Variants in KIF6 observed in about 807,000 individuals in gnomAD.
The protein encoded by KIF6 is kinesin family member 6.
In KIF6, 106 loss-of-function variants were observed where a neutral mutation model predicts 112.7. The ratio of observed to expected loss-of-function variants is 0.94; its 90% CI spans 0.80 to 1.11. KIF6 has a LOEUF of 1.11. Among genes scored for constraint, KIF6 ranks in the 50% least tolerant of loss-of-function variants. The pLI is 0.00. For synonymous variants in KIF6, 339 were observed against 339.9 expected, an observed-to-expected ratio of 1.00 and a Z score of 0.03; for missense variants, 929 against 964.0, an observed-to-expected ratio of 0.96 and a Z score of 0.48.
chr6:39,551,506 T>C (rs1779375845), intron 10 of KIF6, among the ~76,000 whole-genome samples: 1 of 152,186 alleles, frequency 6.6e-6, no homozygotes, highest in Non-Finnish European at 1.5e-5. Context: ...GGAATGTTCC[T>C]AACACAAATA....
chr6:39,407,057 C>T (rs1014632208), intron 15 of KIF6, among the ~76,000 whole-genome samples: 1 of 152,092 alleles, frequency 6.6e-6, no homozygotes, highest in Non-Finnish European at 1.5e-5. Context: ...TGCCCAGCTT[C>T]AAGTAATTTT....
chr6:39,661,083 A>C (rs1282799022), intron 3 of KIF6, among the ~76,000 whole-genome samples: 1 of 152,238 alleles, frequency 6.6e-6, no homozygotes, highest in Non-Finnish European at 1.5e-5. Context: ...AAAAGCTGAT[A>C]CTGTTTCAAA....
chr6:39,725,163 G>A (rs1179628255), intron 1 of KIF6, 82 bp downstream of exon 1: 1 of 1,253,278 alleles, frequency 8.0e-7, no homozygotes, highest in Non-Finnish European at 1.1e-6. Context: ...CCTCACCTCC[G>A]CCCAGCCCCT....
intron 13 of KIF6, among the ~76,000 whole-genome samples, chr6:39,535,472 T>C (rs904233075): frequency 2.6e-5 from 4 of 152,076 alleles, no homozygotes; most frequent in Admixed American, 2.0e-4. Flanking sequence ...AAGAAGGCCA[T>C]TACATAATGG....
At chr6:39,463,495 C>T (rs530949157) in intron 13 of KIF6, among the ~76,000 whole-genome samples, 3 of 152,174 alleles carry the variant, frequency 2.0e-5, no homozygotes, top group Non-Finnish European at 4.4e-5. Context: ...GCAACCATAA[C>T]ATTTTAGTGT....
intron 3 of KIF6, among the ~76,000 whole-genome samples, chr6:39,642,413 T>C (rs1434783353): frequency 2.6e-5 from 4 of 152,234 alleles, no homozygotes; most frequent in South Asian, 4.2e-4. Context: ...CCTTGAAACA[T>C]TGGAGCTGTG....
chr6:39,534,575 C>T (rs1015091837), intron 13 of KIF6, among the ~76,000 whole-genome samples: 8 of 152,272 alleles, frequency 5.3e-5, no homozygotes, highest in South Asian at 4.1e-4. Flanking sequence ...AAAGACCAAA[C>T]CTACGTCTGA....
Position 39,596,103 on chromosome 6 carries a change from A to G in KIF6, c.797T>C (p.Leu266Pro), listed in dbSNP as rs1365835542. Residue 266 changes from leucine to proline, a missense_variant, in exon 7 of 23, where the codon CTT becomes CCT. Around this residue, in one of 2 missense-constraint regions of KIF6, gnomAD observed 688 missense variants for 662.7 expected, o/e 1.04. Coordinates refer to ENST00000287152, the MANE Select transcript of KIF6 (RefSeq NM_145027.6). The part of the protein sequence containing the change: ...RVAKTGVGGH[L>P]LTEAKYINLS... ...GTTGATATACTTGGCCTCTGTTAGA[A>G]GATGGCCCCCTACTCCAGTCTTTGC... 1.9e-6 allele frequency: 3 copies of G among 1,613,916 alleles called. No homozygotes were observed. The highest frequency in any genetic ancestry group is 2.5e-6 in the Non-Finnish European group (3 of 1,179,962).
chr6:39,539,973 T>C, intron 13 of KIF6, 30 bp downstream of exon 13: 1 of 1,519,088 alleles, frequency 6.6e-7, no homozygotes, highest in Non-Finnish European at 9.0e-7. Flanking sequence ...TTACAGACAA[T>C]GAGAAATACT....
intron 5 of KIF6, among the ~76,000 whole-genome samples, chr6:39,634,263 T>C (rs1386818650): frequency 6.6e-6 from 1 of 152,176 alleles, no homozygotes; most frequent in African/African-American, 2.4e-5. Flanking sequence ...AAACAAGCAT[T>C]GAGCAATGTT....
chr6:39,584,136 T>A (rs574078371), intron 9 of KIF6, among the ~76,000 whole-genome samples: 12 of 151,960 alleles, frequency 7.9e-5, no homozygotes, highest in African/African-American at 2.9e-4. Flanking sequence ...GATGGACTAT[T>A]ATTGGCCCGG....
intron 3 of KIF6, among the ~76,000 whole-genome samples, chr6:39,662,506 A>G (rs1374796706): frequency 6.6e-6 from 1 of 152,230 alleles, no homozygotes; most frequent in South Asian, 2.1e-4. Context: ...CTATTCTTAT[A>G]TAATAACTAA....
intron 15 of KIF6, among the ~76,000 whole-genome samples, chr6:39,415,297 A>G (rs1019192207): frequency 1.5e-5 from 2 of 129,362 alleles, no homozygotes; most frequent in African/African-American, 3.0e-5. Context: ...AGATTTTTAA[A>G]ATGTAAAAAA....
At chr6:39,571,083 C>T (rs148089083) in intron 10 of KIF6, among the ~76,000 whole-genome samples, 454 of 152,276 alleles carry the variant, frequency 3.0e-3, no homozygotes, top group African/African-American at 9.6e-3. Context: ...TGTATTTCTT[C>T]GTCATACACA....
intron 15 of KIF6, among the ~76,000 whole-genome samples, chr6:39,389,635 T>C (rs1178811184): frequency 6.6e-6 from 1 of 152,220 alleles, no homozygotes; most frequent in Non-Finnish European, 1.5e-5. Flanking sequence ...GAGCCTGAGT[T>C]TGGCTCTTCC....
At chr6:39,352,118 CTA>C (rs953135235) in intron 19 of KIF6, among the ~76,000 whole-genome samples, 19 of 152,196 alleles carry the variant, frequency 1.2e-4, no homozygotes, top group African/African-American at 4.6e-4. Context: ...AATCAATAGA[CTA>C]TTATTTAGAG....
At chr6:39,372,299 C>T (rs941887826) in intron 16 of KIF6, among the ~76,000 whole-genome samples, 7 of 152,150 alleles carry the variant, frequency 4.6e-5, no homozygotes, top group Non-Finnish European at 7.3e-5. Context: ...CTTCAGGGCA[C>T]TTCCCTGTAT....
At chr6:39,351,921 G>A (rs540162387) in intron 19 of KIF6, among the ~76,000 whole-genome samples, 3 of 152,200 alleles carry the variant, frequency 2.0e-5, no homozygotes, top group African/African-American at 4.8e-5. Context: ...GAGTTTCAGC[G>A]AGAGGGCTCC....
chr6:39,350,648 T>C (rs1764172374), intron 19 of KIF6, among the ~76,000 whole-genome samples: 1 of 152,164 alleles, frequency 6.6e-6, no homozygotes, highest in Non-Finnish European at 1.5e-5. Context: ...ACAGGGAATG[T>C]CTGAGACGCC....
Sources: allele counts gnomAD v4.1 joint callset (sites outside exome capture counted in the v4.1 genomes callset), GRCh38; gene constraint gnomAD v4.1.1; regional missense constraint gnomAD v4.1.1; transcripts MANE v1.5; gene names NCBI Gene and HGNC (gene_info 2026-07-23, HGNC 2026-07-21).